Variants in RBM19 observed in about 807,000 individuals in gnomAD.
RBM19 encodes RNA binding motif protein 19, also known as probable RNA-binding protein 19.
A neutral mutation model predicts 116.8 loss-of-function variants in RBM19; 94 were observed. The observed-to-expected ratio is 0.80, with a 90% CI of 0.68 to 0.95. The LOEUF (loss-of-function observed/expected upper bound fraction) is 0.95, where lower values mean the gene tolerates loss of function less well. Among genes scored for constraint, RBM19 ranks in the 40% least tolerant of loss-of-function variants. The probability of loss-of-function intolerance (pLI) is 0.00; values close to 1 mark genes in which losing one functional copy is unlikely to be tolerated. For missense variants in RBM19, 1,161 were observed against 1,220.7 expected, an observed-to-expected ratio of 0.95 and a Z score of 0.73; for synonymous variants, 475 against 494.1, an observed-to-expected ratio of 0.96 and a Z score of 0.51.
chr12:113,825,068 G>A lies in RBM19; in HGVS notation c.2786-1747C>T, dbSNP rs1332801013. Among the ~76,000 whole-genome samples, 4 of 152,184 alleles carry A rather than the reference G, an allele frequency of 2.6e-5. No homozygotes were observed. Among genetic ancestry groups the A allele is most frequent in the Non-Finnish European group, 5.9e-5 (4 of 68,040 alleles). The stretch of plus-strand genomic sequence containing the variant: ...GGCACTTTTTATTACCCACACTGCC[G>A]CAGGCCTTTCTTTGTGTGGGATGTT... On this transcript the variant is annotated intron_variant, in intron 23 of 23. Transcript: ENST00000261741. The surrounding 1 kb of genome is among the most constrained non-coding windows in gnomAD (Gnocchi z 5.7).
chr12:113,951,395 C>A (rs1871448156), intron 8 of RBM19, among the ~76,000 whole-genome samples: 1 of 152,176 alleles, frequency 6.6e-6, no homozygotes, highest in Non-Finnish European at 1.5e-5. Context: ...AGGGTACCAG[C>A]ACCATCACCA....
chr12:113,956,937 T>C (rs976462965), intron 6 of RBM19, among the ~76,000 whole-genome samples: 3 of 152,166 alleles, frequency 2.0e-5, no homozygotes, highest in Non-Finnish European at 4.4e-5. Context: ...GTGCCTAGTG[T>C]GTAGCGCAGG....
chr12:113,930,858 C>A (rs922201824), intron 16 of RBM19, among the ~76,000 whole-genome samples: 1 of 152,268 alleles, frequency 6.6e-6, no homozygotes, highest in African/African-American at 2.4e-5. Context: ...CTGGAAAAGA[C>A]GAGGAGGGCA....
intron 21 of RBM19, among the ~76,000 whole-genome samples, chr12:113,907,184 T>C (rs1156426987): frequency 6.6e-6 from 1 of 152,130 alleles, no homozygotes; most frequent in Non-Finnish European, 1.5e-5. Flanking sequence ...CTGGTACTGG[T>C]CTTATTCTCA....
At chr12:113,851,172 C>T (rs569951220) in intron 22 of RBM19, among the ~76,000 whole-genome samples, 5 of 152,160 alleles carry the variant, frequency 3.3e-5, no homozygotes, top group Admixed American at 2.0e-4. Flanking sequence ...ACTCCCATCC[C>T]GGTCCCTTCC....
chr12:113,817,581 A>G (rs1055121798), downstream of RBM19: 4 of 152,234 alleles, frequency 2.6e-5, no homozygotes, highest in African/African-American at 9.7e-5. Context: ...TGCCAGCTCA[A>G]GTTTCTGGGG....
intron 21 of RBM19, among the ~76,000 whole-genome samples, chr12:113,876,401 A>G (rs548075586): frequency 1.6e-4 from 25 of 152,330 alleles, no homozygotes; most frequent in African/African-American, 5.1e-4. Context: ...AATGGGGACA[A>G]TGGTCTCCAT....
intron 7 of RBM19, among the ~76,000 whole-genome samples, chr12:113,953,638 A>T (rs1871661856): frequency 6.6e-6 from 1 of 152,234 alleles, no homozygotes; most frequent in Non-Finnish European, 1.5e-5. Context: ...GTTCAGGAAA[A>T]TGGGCACTTG....
intron 23 of RBM19, among the ~76,000 whole-genome samples, chr12:113,839,401 C>T (rs1038364127): frequency 6.6e-6 from 1 of 152,210 alleles, no homozygotes; most frequent in Non-Finnish European, 1.5e-5. Context: ...ACATCTCTAG[C>T]ACGCCTGCTC....
chr12:113,920,603 C>CCTGAGCTGCTGAGA lies in RBM19; in HGVS notation c.2385+7_2385+8insTCTCAGCAGCTCAG, dbSNP rs759625548. ...TCCGTGGCCCTCAGCTGAGAATCTTCACTTTACCTGGAGCTGCTTGAGAGC... is the reference window on the plus strand; with the variant it reads ...TCCGTGGCCCTCAGCTGAGAATCTTCCTGAGCTGCTGAGAACTTTACCTGGAGCTGCTTGAGAGC... On this transcript the variant is annotated splice_region_variant and intron_variant, in intron 19 of 23. Transcript: ENST00000261741. The CCTGAGCTGCTGAGA allele has an allele frequency of 5.0e-6, 8 of 1,613,184 alleles. No homozygotes were observed. In the South Asian group the frequency reaches 8.8e-5, roughly 18 times the overall value.
At chr12:113,888,522 T>C (rs765553900) in intron 21 of RBM19, among the ~76,000 whole-genome samples, 2 of 152,176 alleles carry the variant, frequency 1.3e-5, no homozygotes, top group Non-Finnish European at 2.9e-5. Context: ...TTTCCGTATA[T>C]TGTATATGAT....
rs557190626 is a variant in RBM19 at position 113,839,025 on chromosome 12, T to G, written c.2785+5643A>C. Among the ~76,000 whole-genome samples, 10 of 152,358 alleles carry G rather than the reference T, an allele frequency of 6.6e-5. No individual in the cohort carries two copies. The East Asian group carries it at 1.9e-3, about 29-fold the overall frequency. The stretch of plus-strand genomic sequence containing the variant: ...AGATGCCTGCCTGCCTTTCATTCTG[T>G]GGCCCACATTCTGCAGAGAGCTCTT... On this transcript the variant is annotated intron_variant, in intron 23 of 23. Transcript: ENST00000261741.
intron 16 of RBM19, among the ~76,000 whole-genome samples, chr12:113,928,736 T>C (rs1869351428): frequency 6.6e-6 from 1 of 150,512 alleles, no homozygotes; most frequent in Non-Finnish European, 1.5e-5. Context: ...GTAGATTTCA[T>C]TCTCAGCTGC....
downstream of RBM19, among the ~76,000 whole-genome samples, chr12:113,819,816 C>T (rs1874298034): frequency 6.6e-6 from 1 of 152,208 alleles, no homozygotes; most frequent in African/African-American, 2.4e-5. Context: ...AGCCCCTCCT[C>T]TGGGCCAGGC....
At chr12:113,867,474 G>A (rs1454775363) in intron 21 of RBM19, among the ~76,000 whole-genome samples, 2 of 152,180 alleles carry the variant, frequency 1.3e-5, no homozygotes, top group Non-Finnish European at 2.9e-5. Context: ...TTTTAAGCCG[G>A]TGGTTTTCAA....
At chr12:113,884,298 TACACACACACACAC>T (rs56150788) in intron 21 of RBM19, among the ~76,000 whole-genome samples, 19 of 137,298 alleles carry the variant, frequency 1.4e-4, no homozygotes, top group Non-Finnish European at 1.5e-4. Flanking sequence ...AAAAAAAGTA[TACACACACACACAC>T]ACACACACAC....
chr12:113,842,394 C>A (rs1049584612), intron 23 of RBM19, among the ~76,000 whole-genome samples: 2 of 152,218 alleles, frequency 1.3e-5, no homozygotes, highest in Non-Finnish European at 2.9e-5. Context: ...CAATGGTTGT[C>A]GATAAGGACA....
At chr12:113,947,291 G>A in intron 11 of RBM19, 43 bp downstream of exon 11, 1 of 1,540,078 alleles carries the variant, frequency 6.5e-7, no homozygotes, top group South Asian at 1.2e-5. Flanking sequence ...TCCCGACCAT[G>A]TGAGCCCCAC....
chr12:113,819,219 G>A (rs1420815274), downstream of RBM19, among the ~76,000 whole-genome samples: 1 of 152,168 alleles, frequency 6.6e-6, no homozygotes, highest in Non-Finnish European at 1.5e-5. Context: ...CCAGCTAACT[G>A]AGCCACACTC....
Sources: gnomAD v4.1 joint callset for allele counts (sites outside exome capture counted in the v4.1 genomes callset) on GRCh38, gnomAD v4.1.1 for gene constraint, Gnocchi (gnomAD v3.1) non-coding constraint, MANE v1.5 for transcripts, NCBI Gene and HGNC (gene_info 2026-07-23, HGNC 2026-07-21) for gene names.